The following GBE1 variants were observed in gnomAD, a reference collection of about 807,000 sequenced individuals.
GBE1 encodes the protein 1,4-alpha-glucan-branching enzyme.
In GBE1, 70 loss-of-function variants were observed where a neutral mutation model predicts 88.8. The observed-to-expected ratio is 0.79, with a 90% CI of 0.65 to 0.96. The LOEUF is 0.96. Ranked by LOEUF, GBE1 falls within the 40% of genes least tolerant of loss-of-function variation. The pLI is 0.00. For missense variants in GBE1, 872 were observed against 871.0 expected, an observed-to-expected ratio of 1.00 and a Z score of -0.01; for synonymous variants, 284 against 300.1, an observed-to-expected ratio of 0.95 and a Z score of 0.56.
chr3:81,517,425 T>G (rs1188155898), intron 14 of GBE1, among the ~76,000 whole-genome samples: 4 of 151,514 alleles, frequency 2.6e-5, no homozygotes, highest in Non-Finnish European at 5.9e-5. Flanking sequence ...CCAAAAAATT[T>G]GTGTGACTTG....
intron 1 of GBE1, among the ~76,000 whole-genome samples, chr3:81,761,135 G>T (rs1312406721): frequency 2.0e-5 from 3 of 152,242 alleles, no homozygotes; most frequent in Non-Finnish European, 2.9e-5. Context: ...GAACAGAGGG[G>T]AAAGGGGATG....
At chr3:81,521,768 T>C (rs1343824356) in intron 14 of GBE1, among the ~76,000 whole-genome samples, 1 of 151,540 alleles carries the variant, frequency 6.6e-6, no homozygotes, top group Non-Finnish European at 1.5e-5. Context: ...CTTTTCCAAG[T>C]TTAATGTTAA....
intron 12 of GBE1, among the ~76,000 whole-genome samples, chr3:81,552,902 C>T (rs1243726582): frequency 6.6e-6 from 1 of 152,042 alleles, no homozygotes; most frequent in Non-Finnish European, 1.5e-5. Flanking sequence ...TCACAAAAAC[C>T]CTTCAATATG....
At chr3:81,610,647 A>C (rs371792464) in intron 7 of GBE1, among the ~76,000 whole-genome samples, 3 of 152,150 alleles carry the variant, frequency 2.0e-5, no homozygotes, top group African/African-American at 7.2e-5. Flanking sequence ...AAGCAAAAAT[A>C]CCATAGCTCT....
intron 2 of GBE1, among the ~76,000 whole-genome samples, chr3:81,700,268 C>T (rs1471416322): frequency 1.3e-5 from 2 of 152,144 alleles, no homozygotes; most frequent in Non-Finnish European, 2.9e-5. Context: ...AAGCTGGTAT[C>T]AGAATTATAC....
At chr3:81,754,275 G>A (rs1706573098) in intron 1 of GBE1, among the ~76,000 whole-genome samples, 1 of 151,792 alleles carries the variant, frequency 6.6e-6, no homozygotes, top group African/African-American at 2.4e-5. Context: ...TCTATACAAG[G>A]AAAACAATAA....
intron 9 of GBE1, among the ~76,000 whole-genome samples, chr3:81,586,788 G>T (rs78532339): frequency 0.013 from 1,142 of 90,288 alleles, 11 homozygotes; most frequent in Non-Finnish European, 0.017. Flanking sequence ...TCAAGATAGA[G>T]AATTTTTTTT....
intron 12 of GBE1, among the ~76,000 whole-genome samples, chr3:81,537,757 T>G (rs1177569209): frequency 6.6e-6 from 1 of 151,976 alleles, no homozygotes; most frequent in Non-Finnish European, 1.5e-5. Context: ...TTCAGATCTA[T>G]TTTTTACTAC....
chr3:81,681,712 A>G (rs371864364), intron 2 of GBE1, among the ~76,000 whole-genome samples: 1 of 152,224 alleles, frequency 6.6e-6, no homozygotes, highest in African/African-American at 2.4e-5. Context: ...TTTAAAACCA[A>G]TAGTTCTTTA....
rs190904910 is a variant in GBE1, at chr3:81,535,662, G to T, written c.1804-337C>A. On this transcript the variant is annotated intron_variant, in intron 13 of 15. Transcript: ENST00000429644. ...GTATATATTAGATCTACTTATAAGT[G>T]AATTTTCTGTAAGACTTTTAGTCTC... is the stretch of plus-strand genomic sequence containing the variant. 2.0e-5 allele frequency among the ~76,000 whole-genome samples: 3 copies of T among 152,048 alleles called. No individual in the cohort carries two copies. The East Asian group carries it at 5.8e-4, about 30-fold the overall frequency.
At chr3:81,664,524 C>T (rs545543994) in intron 3 of GBE1, among the ~76,000 whole-genome samples, 260 of 149,842 alleles carry the variant, frequency 1.7e-3, no homozygotes, top group African/African-American at 5.9e-3. Flanking sequence ...GGGCCTAAAA[C>T]GCCCCAACAT....
At chr3:81,646,185 C>T (rs1221093886) in intron 6 of GBE1, among the ~76,000 whole-genome samples, 1 of 152,104 alleles carries the variant, frequency 6.6e-6, no homozygotes, top group African/African-American at 2.4e-5. Context: ...ACAAATCATC[C>T]CACGAGGAGT....
chr3:81,751,963 G>C (rs757923114), intron 1 of GBE1, among the ~76,000 whole-genome samples: 7 of 151,988 alleles, frequency 4.6e-5, no homozygotes, highest in African/African-American at 1.7e-4. Flanking sequence ...CTTTTTGCTG[G>C]GTATTTGGAA....
At chr3:81,761,341 T>C (rs1027747976) in intron 1 of GBE1, 34 bp downstream of exon 1, 2 of 1,579,616 alleles carry the variant, frequency 1.3e-6, no homozygotes, top group East Asian at 2.4e-5. Flanking sequence ...GCGGGCTGCC[T>C]GTCTAAGTGG....
intron 12 of GBE1, among the ~76,000 whole-genome samples, chr3:81,563,585 T>C (rs1464115618): frequency 6.6e-6 from 1 of 152,080 alleles, no homozygotes; most frequent in Non-Finnish European, 1.5e-5. Context: ...AGAGTAGCAA[T>C]CTATTCCCCT....
At chr3:81,698,017 T>C (rs1042562227) in intron 2 of GBE1, among the ~76,000 whole-genome samples, 2 of 148,016 alleles carry the variant, frequency 1.4e-5, no homozygotes, top group African/African-American at 4.9e-5. Context: ...AGGTGTTATA[T>C]ATTATATATA....
At chr3:81,699,309 T>C (rs1328335549) in intron 2 of GBE1, among the ~76,000 whole-genome samples, 4 of 152,192 alleles carry the variant, frequency 2.6e-5, no homozygotes, top group African/African-American at 9.7e-5. Context: ...TCTGGATCAC[T>C]ACCCTGCCAA....
At chr3:81,540,630 G>A (rs928389479) in intron 12 of GBE1, among the ~76,000 whole-genome samples, 4 of 152,058 alleles carry the variant, frequency 2.6e-5, no homozygotes, top group Non-Finnish European at 1.5e-5. Flanking sequence ...TCTTTAAAGT[G>A]CTGAAGTTCT....
intron 12 of GBE1, among the ~76,000 whole-genome samples, chr3:81,569,487 C>T (rs1480535015): frequency 6.6e-6 from 1 of 152,114 alleles, no homozygotes; most frequent in East Asian, 1.9e-4. Flanking sequence ...ATGTTCATGC[C>T]CTTGCCATTT....
Sources: gnomAD v4.1 joint callset for allele counts (sites outside exome capture counted in the v4.1 genomes callset) on GRCh38, gnomAD v4.1.1 for gene constraint, MANE v1.5 for transcripts, NCBI Gene and HGNC (gene_info 2026-07-23, HGNC 2026-07-21) for gene names.